NCBP3: variants seen among roughly 807,000 people sequenced by gnomAD.
The protein encoded by NCBP3 is nuclear cap binding subunit 3.
A neutral mutation model predicts 75.7 loss-of-function variants in NCBP3; 20 were observed. The ratio of observed to expected loss-of-function variants is 0.26; its 90% confidence interval spans 0.19 to 0.38. NCBP3 has a LOEUF of 0.38. NCBP3 is among the 10% of genes least tolerant of loss of function. The pLI is 1.00. For synonymous variants in NCBP3, 293 were observed against 290.5 expected (o/e 1.01, Z -0.09); for missense variants, 678 against 796.9 (o/e 0.85, Z 1.80).
In NCBP3 at chr17:3,810,334, A is replaced by G. The variant is rs1046079434; in HGVS notation, c.*2710T>C. The G allele has an allele frequency of 1.3e-5, 2 of 152,242 alleles. No individual in the cohort carries two copies. The highest frequency in any genetic ancestry group is 4.8e-5 in the African/African-American group (2 of 41,456). The allele number at this position is 152,242 out of a possible 1,614,324, so 9.4% of individuals were successfully genotyped here. A position where few individuals can be genotyped will look rare whatever the true frequency, so the allele number is the denominator to read the frequency against. On this transcript the variant is annotated 3_prime_UTR_variant, in exon 13 of 13. Transcript: ENST00000389005. ...CAAGGGGGCCAGAGGAGGAGACTAC[A>G]TCCTGAGGACGCCACAAATTATCCT...
Position 3,845,261 on chromosome 17 carries a change from T to C in NCBP3, c.183+780A>G, listed in dbSNP as rs538152963. ...CATACTTTAACCTTTCTCCATAACT[T>C]CAGTCTAAATATGTTGACATGTGGT... On this transcript the variant is annotated intron_variant, in intron 1 of 12. Coordinates refer to ENST00000389005, the MANE Select transcript of NCBP3 (RefSeq NM_001114118.3). 8.5e-5 allele frequency among the ~76,000 whole-genome samples: 13 copies of C among 152,288 alleles called. No individual in the cohort carries two copies. The South Asian group carries it at 2.7e-3, about 32-fold the overall frequency.
intron 9 of NCBP3, 121 bp downstream of exon 9, chr17:3,821,128 G>A (rs993497922): frequency 2.3e-5 from 14 of 616,166 alleles, no homozygotes; most frequent in Middle Eastern, 5.4e-4. Context: ...TATGTTGGCA[G>A]AGGGTGAGGG....
intron 10 of NCBP3, 119 bp from the exon 11 acceptor site, chr17:3,816,389 C>G: frequency 1.2e-6 from 1 of 821,986 alleles, no homozygotes; most frequent in Non-Finnish European, 1.9e-6. Context: ...ACATGGCCAA[C>G]ATTCACTTAC....
rs1408330822 is a variant in NCBP3, at chr17:3,832,463, T to C, written c.356-3095A>G. ...GGCCAACACGGTGAAACCCCGTCTCTACTAAAAATACAAAACAATTAGCCA... is the reference window on the plus strand; with the variant it reads ...GGCCAACACGGTGAAACCCCGTCTCCACTAAAAATACAAAACAATTAGCCA... On this transcript the variant is annotated intron_variant, in intron 3 of 12. Coordinates refer to ENST00000389005, the MANE Select transcript of NCBP3 (RefSeq NM_001114118.3). Among the ~76,000 whole-genome samples, 4 of 116,568 alleles carry C rather than the reference T, an allele frequency of 3.4e-5. 2 individuals carry two copies. The highest frequency in any genetic ancestry group is 8.2e-5 in the Non-Finnish European group (4 of 48,628). 76.5% of individuals were successfully genotyped at this position (116,568 alleles called of 152,430 possible).
chr17:3,821,315 C>T lies in NCBP3; in HGVS notation c.934G>A (p.Val312Met), dbSNP rs1482395242. 3 of 1,614,072 alleles carry T rather than the reference C, an allele frequency of 1.9e-6. No homozygotes were observed. Among genetic ancestry groups the T allele is most frequent in the Admixed American group, 1.7e-5 (1 of 60,008 alleles). ...CCAATCAGGGCTCTCTTCTTGATCACGTCCCGCTGAATACGACGGGAATGA... is the reference window on the plus strand; with the variant it reads ...CCAATCAGGGCTCTCTTCTTGATCATGTCCCGCTGAATACGACGGGAATGA... ...RYHSRRIQRDVIKKRALIGDD... is the reference protein window; with the variant it reads ...RYHSRRIQRDMIKKRALIGDD... Residue 312 changes from valine (V) to methionine (M), a missense_variant, in exon 9 of 13, where the codon GTG becomes ATG. By Grantham distance (21) the Val-to-Met change is conservative (BLOSUM62 1). This residue lies in a region of NCBP3 where 38 missense variants were observed against 78.9 expected (regional missense o/e 0.48). Transcript: ENST00000389005.
At chr17:3,814,630 T>A (rs1292842126) in intron 11 of NCBP3, 147 bp from the exon 12 acceptor site, 2 of 826,944 alleles carry the variant, frequency 2.4e-6, no homozygotes, top group Non-Finnish European at 3.7e-6. Context: ...TCTTCCTTTG[T>A]AATCAGTCTG....
In NCBP3 at chr17:3,846,237, C is replaced by T. The variant is rs925251422; in HGVS notation, c.-14G>A. 47 of 1,417,828 alleles carry T rather than the reference C, an allele frequency of 3.3e-5. No homozygotes were observed. Among genetic ancestry groups the T allele is most frequent in the Middle Eastern group, 2.6e-4 (1 of 3,920 alleles). The allele number at this position is 1,417,828 out of a possible 1,614,324, so 87.8% of individuals were successfully genotyped here. On this transcript the variant is annotated 5_prime_UTR_variant, in exon 1 of 13. Transcript: ENST00000389005. This position sits in a 1 kb window ranked among gnomAD's most constrained non-coding sequence, Gnocchi z 4.6. ...TACGGCCGCCATCGCTGCCTGCCGG[C>T]CGCACCACTGAGAGCCCGCCCCTCA...
At chr17:3,819,731 C>A (rs906363004) in intron 9 of NCBP3, among the ~76,000 whole-genome samples, 1 of 151,696 alleles carries the variant, frequency 6.6e-6, no homozygotes, top group South Asian at 2.1e-4. Context: ...ATACAATAAA[C>A]GAAAGAAGTA....
intron 11 of NCBP3, among the ~76,000 whole-genome samples, chr17:3,815,867 A>T (rs1298399439): frequency 6.6e-6 from 1 of 152,232 alleles, no homozygotes; most frequent in Non-Finnish European, 1.5e-5. Context: ...GGGTCCTGGA[A>T]GCAAGCCCCC....
Position 3,821,332 on chromosome 17 carries a change from C to A in NCBP3, c.917G>T (p.Arg306Leu). The change falls in exon 9 of 13, where the codon CGT (arginine) becomes CTT (leucine). Residue 306 changes from arginine to leucine, a missense_variant. By Grantham distance (102) the Arg-to-Leu change is moderately radical. Transcript: ENST00000389005. ...CTTGATCACGTCCCGCTGAATACGA[C>A]GGGAATGATATCTTCGCTTCCTGCA... ...SNSWKRRYHS[R>L]RIQRDVIKKR... is the part of the protein sequence containing the mutation. 6.2e-7 allele frequency: 1 copy of A among 1,613,874 alleles called. No homozygotes were observed. Among genetic ancestry groups the A allele is most frequent in the Non-Finnish European group, 8.5e-7 (1 of 1,179,852 alleles).
chr17:3,829,148 T>C lies in NCBP3; in HGVS notation c.481+95A>G. 5.9e-6 allele frequency: 8 copies of C among 1,346,902 alleles called. No individual in the cohort carries two copies. The South Asian group carries it at 7.1e-5, about 12-fold the overall frequency. The allele number at this position is 1,346,902 out of a possible 1,614,324, so 83.4% of individuals were successfully genotyped here. A position where few individuals can be genotyped will look rare whatever the true frequency, so the allele number is the denominator to read the frequency against. ...ACAGCAGAAGTTCGGCATAAACAAG[T>C]AGTATGGGCCAGAACCATTCACCAT... is the stretch of plus-strand genomic sequence containing the variant. On this transcript the variant is annotated intron_variant, in intron 4 of 12. Transcript: ENST00000389005.
Position 3,821,370 on chromosome 17 carries a change from T to C in NCBP3, c.897-18A>G, listed in dbSNP as rs757246456. The C allele has an allele frequency of 1.3e-6, 2 of 1,595,976 alleles. No individual in the cohort carries two copies. ...TTCGCTTCCTGCAAGAATGCCAAAA[T>C]AAGCACACAATCAAAAACTGATAGG... On this transcript the variant is annotated intron_variant, in intron 8 of 12. Transcript: ENST00000389005.
intron 1 of NCBP3, among the ~76,000 whole-genome samples, chr17:3,843,594 G>A (rs539821537): frequency 1.1e-4 from 17 of 152,248 alleles, no homozygotes; most frequent in African/African-American, 2.9e-4. Flanking sequence ...TCGCCTAGGC[G>A]GGAGTGCAGT....
At chr17:3,835,896 T>C (rs969976825) in intron 3 of NCBP3, among the ~76,000 whole-genome samples, 2 of 152,194 alleles carry the variant, frequency 1.3e-5, no homozygotes, top group African/African-American at 4.8e-5. Context: ...GCAGAGCAGT[T>C]AGGAACACAC....
At chr17:3,845,623 G>C (rs1471322148) in intron 1 of NCBP3, among the ~76,000 whole-genome samples, 1 of 152,056 alleles carries the variant, frequency 6.6e-6, no homozygotes, top group African/African-American at 2.4e-5. Context: ...ATTCCTCCGG[G>C]GCAAGACCCA....
In NCBP3 at chr17:3,802,282, G is replaced by A. The variant is rs1456981711; in HGVS notation, c.*10762C>T. On this transcript the variant is annotated 3_prime_UTR_variant, in exon 13 of 13. Transcript: ENST00000389005. ...TGAGATGTGAATGTGTTAACCCAGG[G>A]TGGACAATGGTGTTGACTTCATTAC... 2.6e-5 allele frequency: 4 copies of A among 152,066 alleles called. No homozygotes were observed. The highest frequency in any genetic ancestry group is 5.9e-5 in the Non-Finnish European group (4 of 68,026). The allele number at this position is 152,066 out of a possible 1,614,324, so 9.4% of individuals were successfully genotyped here. A position where few individuals can be genotyped will look rare whatever the true frequency, so the allele number is the denominator to read the frequency against.
At chr17:3,819,207 T>A (rs550655102) in intron 9 of NCBP3, among the ~76,000 whole-genome samples, 1 of 152,216 alleles carries the variant, frequency 6.6e-6, no homozygotes, top group Non-Finnish European at 1.5e-5. Context: ...ATAGGGCTAC[T>A]GGCTGTGAAC....
At chr17:3,839,372 G>C (rs559958486) in intron 3 of NCBP3, among the ~76,000 whole-genome samples, 6 of 152,072 alleles carry the variant, frequency 3.9e-5, no homozygotes, top group Admixed American at 6.5e-5. Context: ...TTTTAAGACA[G>C]AGTCTCGCTC....
chr17:3,831,230 A>G (rs144806152), intron 3 of NCBP3, among the ~76,000 whole-genome samples: 158 of 152,024 alleles, frequency 1.0e-3, no homozygotes, highest in African/African-American at 3.4e-3. Flanking sequence ...ACATATTTTA[A>G]GTACATTATC....
Sources: gnomAD v4.1 joint callset for allele counts (sites outside exome capture counted in the v4.1 genomes callset) on GRCh38, gnomAD v4.1.1 for gene constraint, gnomAD v4.1.1 regional missense constraint, Gnocchi (gnomAD v3.1) non-coding constraint, MANE v1.5 for transcripts, NCBI Gene and HGNC (gene_info 2026-07-23, HGNC 2026-07-21) for gene names.